The following REPS1 variants were observed in gnomAD, a reference collection of about 807,000 sequenced individuals.
The protein encoded by REPS1 is ralBP1-associated Eps domain-containing protein 1.
Under a neutral mutation model 100.9 loss-of-function variants are expected in REPS1, and 39 were observed. That is an observed-to-expected ratio of 0.39 (90% CI 0.30 to 0.50). The LOEUF is 0.50. REPS1 is among the 20% of genes least tolerant of loss of function. REPS1 has a pLI of 0.86. For synonymous variants in REPS1, 324 were observed against 340.3 expected (o/e 0.95, Z 0.53); for missense variants, 821 against 968.5 (o/e 0.85, Z 2.02).
rs748256809 is a variant in REPS1, at chr6:138,908,635, T to C, written c.2216+33A>G. ...TAATTGTCGTGCTTTTTCTTCCTAG[T>C]AATTAAATGTGTCTAGGAATAGCTT... On this transcript the variant is annotated intron_variant, in intron 18 of 19. Coordinates refer to ENST00000450536, the MANE Select transcript of REPS1 (RefSeq NM_001286611.2). The C allele has an allele frequency of 1.1e-5, 17 of 1,608,700 alleles. 1 individual carries two copies. The South Asian group carries it at 1.8e-4, about 17-fold the overall frequency.
intron 17 of REPS1, among the ~76,000 whole-genome samples, chr6:138,909,412 T>C (rs2128425360): frequency 6.6e-6 from 1 of 152,312 alleles, no homozygotes; most frequent in East Asian, 1.9e-4. Context: ...ATAAAAACAA[T>C]AGTCAACTGC....
chr6:138,950,730 T>C (rs73563004), intron 1 of REPS1, among the ~76,000 whole-genome samples: 10,649 of 152,262 alleles, frequency 0.07, 697 homozygotes, highest in East Asian at 0.21. Flanking sequence ...TATCCTCATA[T>C]ACTTATTTTT....
chr6:138,910,220 G>C (rs909769904), intron 17 of REPS1, among the ~76,000 whole-genome samples: 2 of 152,120 alleles, frequency 1.3e-5, no homozygotes, highest in South Asian at 4.2e-4. Flanking sequence ...ATCTCTCCTT[G>C]CTCCCTCACT....
chr6:138,909,458 C>G (rs539364839), intron 17 of REPS1, among the ~76,000 whole-genome samples: 150 of 152,272 alleles, frequency 9.9e-4, no homozygotes, highest in African/African-American at 3.4e-3. Flanking sequence ...TAATTTGTTA[C>G]TGTGAGTTGA....
chr6:138,987,662 G>A lies in REPS1; in HGVS notation c.21C>T (p.Ser7=), dbSNP rs1212070751. MEGLTL[S]DAEQKYYSDL... ...CTGAATAGTATTTCTGCTCCGCATC[G>A]CTCAGCGTTAAGCCTTCCATCTTCG... The change falls in exon 1 of 20, where the codon AGC becomes AGT. Residue 7 remains serine, a synonymous_variant. Coordinates refer to ENST00000450536, the MANE Select transcript of REPS1 (RefSeq NM_001286611.2). 3 of 1,548,258 alleles carry A rather than the reference G, an allele frequency of 1.9e-6. No homozygotes were observed. The highest frequency in any genetic ancestry group is 1.4e-5 in the African/African-American group (1 of 72,538).
At chr6:138,959,914 T>C (rs1783628602) in intron 1 of REPS1, among the ~76,000 whole-genome samples, 2 of 152,194 alleles carry the variant, frequency 1.3e-5, no homozygotes, top group Non-Finnish European at 2.9e-5. Flanking sequence ...GGCTAGTAAG[T>C]GGCAGAGTAA....
intron 9 of REPS1, chr6:138,929,078 A>G (rs904191677): frequency 4.6e-5 from 7 of 152,238 alleles, no homozygotes; most frequent in Non-Finnish European, 1.0e-4. Context: ...AAAGGCATGG[A>G]AAGGACAGAA....
intron 1 of REPS1, among the ~76,000 whole-genome samples, chr6:138,970,641 G>A (rs999899416): frequency 3.9e-5 from 6 of 152,094 alleles, no homozygotes; most frequent in South Asian, 2.1e-4. Context: ...AAAAAAGGCC[G>A]GGCATGGTGG....
At chr6:138,963,986 A>C (rs1329207690) in intron 1 of REPS1, among the ~76,000 whole-genome samples, 2 of 152,218 alleles carry the variant, frequency 1.3e-5, no homozygotes, top group Non-Finnish European at 2.9e-5. Flanking sequence ...TCTAAAGTGA[A>C]ATGCAATCAT....
intron 8 of REPS1, 89 bp from the exon 9 acceptor site, chr6:138,930,187 T>A: frequency 9.3e-7 from 1 of 1,070,072 alleles, no homozygotes. Flanking sequence ...AGCCAACCGA[T>A]GATTTTCATA....
At chr6:138,954,318 G>C (rs1438170996) in intron 1 of REPS1, among the ~76,000 whole-genome samples, 1 of 152,018 alleles carries the variant, frequency 6.6e-6, no homozygotes, top group Non-Finnish European at 1.5e-5. Context: ...GAAGGATACT[G>C]AATGCTCCTA....
At chr6:138,986,597 T>C (rs1438967645) in intron 1 of REPS1, among the ~76,000 whole-genome samples, 2 of 152,258 alleles carry the variant, frequency 1.3e-5, no homozygotes, top group Non-Finnish European at 2.9e-5. Flanking sequence ...CATGTGGCTT[T>C]AAATTTTGGA....
intron 8 of REPS1, 79 bp from the exon 9 acceptor site, chr6:138,930,177 A>T: frequency 4.1e-6 from 5 of 1,206,996 alleles, no homozygotes; most frequent in Non-Finnish European, 5.9e-6. Flanking sequence ...ATTAAAAAAA[A>T]GCCAACCGAT....
chr6:138,916,017 A>AG, intron 13 of REPS1, 41 bp from the exon 14 acceptor site: 1 of 1,403,002 alleles, frequency 7.1e-7, no homozygotes. Context: ...TACTACTGAT[A>AG]TCAGAGCTTT....
At chr6:138,918,190 A>G (rs1403758568) in intron 12 of REPS1, among the ~76,000 whole-genome samples, 1 of 152,062 alleles carries the variant, frequency 6.6e-6, no homozygotes, top group Non-Finnish European at 1.5e-5. Flanking sequence ...GGTTTAAGCA[A>G]TCCTCCTGCC....
chr6:138,921,025 C>A lies in REPS1; in HGVS notation c.1426+12G>T. On this transcript the variant is annotated intron_variant, in intron 11 of 19. Coordinates refer to ENST00000450536, the MANE Select transcript of REPS1 (RefSeq NM_001286611.2). Reference sequence around the variant, plus strand: ...GTAAAACTAAAATACAAACCAGCAACAGCTTCCTTACCGCTGCCAGTTCTT... The same window carrying A: ...GTAAAACTAAAATACAAACCAGCAAAAGCTTCCTTACCGCTGCCAGTTCTT... 4 of 1,596,256 alleles carry A rather than the reference C, an allele frequency of 2.5e-6. No individual in the cohort carries two copies. The highest frequency in any genetic ancestry group is 2.6e-6 in the Non-Finnish European group (3 of 1,165,582).
intron 9 of REPS1, 160 bp downstream of exon 9, chr6:138,929,817 C>T (rs976704599): frequency 3.7e-5 from 25 of 668,748 alleles, no homozygotes; most frequent in Non-Finnish European, 5.2e-5. Flanking sequence ...TTGAAAACCT[C>T]GAAAAAGTCA....
intron 9 of REPS1, chr6:138,928,588 A>C (rs1283698921): frequency 6.6e-6 from 1 of 152,208 alleles, no homozygotes; most frequent in African/African-American, 2.4e-5. Context: ...AAGTACTACT[A>C]CCTGAATTTA....
intron 1 of REPS1, among the ~76,000 whole-genome samples, chr6:138,974,473 T>C (rs1477825570): frequency 6.6e-6 from 1 of 152,172 alleles, no homozygotes; most frequent in Non-Finnish European, 1.5e-5. Flanking sequence ...GTCCAGGTGT[T>C]TAGGGGTTGT....
Sources: allele counts gnomAD v4.1 joint callset (sites outside exome capture counted in the v4.1 genomes callset), GRCh38; gene constraint gnomAD v4.1.1; transcripts MANE v1.5; gene names NCBI Gene and HGNC (gene_info 2026-07-23, HGNC 2026-07-21).